GLIS3: variants seen among roughly 807,000 people sequenced by gnomAD.
GLIS3 encodes the protein GLIS family zinc finger 3, also known as zinc finger protein GLIS3.
In GLIS3, 53 loss-of-function variants were observed where a neutral mutation model predicts 78.6. The observed-to-expected ratio is 0.67, with a 90% confidence interval of 0.54 to 0.85. The LOEUF is 0.85. Among genes scored for constraint, GLIS3 ranks in the 40% least tolerant of loss-of-function variants. The pLI is 0.00. For synonymous variants in GLIS3, 684 were observed against 509.9 expected (o/e 1.34, Z -4.60); for missense variants, 1,703 against 1,231.1 (o/e 1.38, Z -5.74).
chr9:4,344,183 A>C (rs1164150487), intron 2 of GLIS3, among the ~76,000 whole-genome samples: 1 of 152,028 alleles, frequency 6.6e-6, no homozygotes, highest in Non-Finnish European at 1.5e-5. Flanking sequence ...CCTTTACAGC[A>C]AGTCTCCCGA....
chr9:4,288,644 C>T lies in GLIS3; in HGVS notation c.-98-2121G>A, dbSNP rs140149859. ...GAGCACTGACAACTTAATTAAGTAT[C>T]AGGCATTCACATCTGCCTGTCTTGG... is the stretch of plus-strand genomic sequence containing the variant. On this transcript the variant is annotated intron_variant, in intron 1 of 10. Transcript: ENST00000381971. Among the ~76,000 whole-genome samples, 673 of 152,258 alleles carry T rather than the reference C, an allele frequency of 4.4e-3. 5 individuals carry two copies. The highest frequency in any genetic ancestry group is 0.016 in the African/African-American group (646 of 41,542).
chr9:4,311,872 T>A lies in GLIS3; in HGVS notation n.265-1344A>T, dbSNP rs560398904. Among the ~76,000 whole-genome samples, 9 of 152,262 alleles carry A rather than the reference T, an allele frequency of 5.9e-5. 1 individual carries two copies. The highest frequency in any genetic ancestry group is 5.8e-4 in the East Asian group (3 of 5,174). On this transcript the variant is annotated intron_variant and non_coding_transcript_variant, in intron 2 of 4. Transcript: ENST00000471664. ...GAGTAAGCCCATTTTACTTAAATGA[T>A]CAAGAAAACAGAAAAGATCCTTTAA...
At chr9:4,024,207 G>A (rs554263320) in intron 4 of GLIS3, among the ~76,000 whole-genome samples, 1 of 152,122 alleles carries the variant, frequency 6.6e-6, no homozygotes, top group Non-Finnish European at 1.5e-5. Context: ...CTGTCTGCAG[G>A]TGTTCAGACC....
intron 2 of GLIS3, among the ~76,000 whole-genome samples, chr9:4,216,527 G>C (rs1452032930): frequency 1.4e-5 from 2 of 147,038 alleles, no homozygotes; most frequent in Non-Finnish European, 3.0e-5. Flanking sequence ...AAAAAAAAAA[G>C]AAAATGTGGG....
chr9:3,984,014 C>T (rs1437804935), intron 4 of GLIS3, among the ~76,000 whole-genome samples: 1 of 152,220 alleles, frequency 6.6e-6, no homozygotes. Flanking sequence ...GCAGCTTCTC[C>T]TATCACAGGC....
intron 4 of GLIS3, among the ~76,000 whole-genome samples, chr9:3,951,942 A>G (rs1302193084): frequency 1.3e-5 from 2 of 151,614 alleles, no homozygotes; most frequent in African/African-American, 2.4e-5. Context: ...AAGACACAGT[A>G]AAGACAGATC....
At chr9:4,393,209 C>G in the GLIS3 span, among the ~76,000 whole-genome samples, 1 of 152,132 alleles carries the variant, frequency 6.6e-6, no homozygotes, top group African/African-American at 2.4e-5. Context: ...GCTGTACATA[C>G]CTGTATGTCT....
At chr9:4,087,857 T>C (rs1358554484) in intron 4 of GLIS3, among the ~76,000 whole-genome samples, 3 of 152,190 alleles carry the variant, frequency 2.0e-5, no homozygotes, top group Non-Finnish European at 4.4e-5. Context: ...CAAGGAATTA[T>C]TCTCTTTGGC....
chr9:3,971,926 T>C (rs2130924879), intron 4 of GLIS3, among the ~76,000 whole-genome samples: 1 of 152,232 alleles, frequency 6.6e-6, no homozygotes, highest in East Asian at 1.9e-4. Context: ...ATATTGCTGT[T>C]TTGAGTGGCA....
chr9:4,186,634 A>G (rs868504931), intron 2 of GLIS3, among the ~76,000 whole-genome samples: 15 of 150,930 alleles, frequency 9.9e-5, no homozygotes, highest in Admixed American at 3.9e-4. Flanking sequence ...AAGTGTTCCT[A>G]TTTCTCCACA....
the GLIS3 span, among the ~76,000 whole-genome samples, chr9:4,410,797 C>T: frequency 3.9e-5 from 6 of 152,190 alleles, no homozygotes; most frequent in East Asian, 1.2e-3. Context: ...AGTTGTCCTT[C>T]TGAACAAATG....
chr9:4,172,466 A>T (rs1025203994), intron 2 of GLIS3, among the ~76,000 whole-genome samples: 4 of 152,220 alleles, frequency 2.6e-5, no homozygotes, highest in African/African-American at 9.6e-5. Context: ...ATCTGAGATT[A>T]TTCCAAATCC....
chr9:4,422,308 T>C, the GLIS3 span, among the ~76,000 whole-genome samples: 5 of 152,358 alleles, frequency 3.3e-5, no homozygotes, highest in South Asian at 1.0e-3. Context: ...AAGCAAACCT[T>C]GGCACAAAAT....
intron 2 of GLIS3, among the ~76,000 whole-genome samples, chr9:4,138,260 G>T (rs1833554000): frequency 6.6e-6 from 1 of 152,202 alleles, no homozygotes; most frequent in Admixed American, 6.5e-5. Flanking sequence ...ATATTGTCAT[G>T]GGAGAAAACT....
At chr9:4,348,274 T>A (rs766230999) in exon 1 of GLIS3, 2 of 152,214 alleles carry the variant, frequency 1.3e-5, no homozygotes, top group Admixed American at 6.5e-5. Context: ...TAATATGGTG[T>A]CTTCACAATA....
chr9:3,999,592 T>C (rs934814565), intron 4 of GLIS3, among the ~76,000 whole-genome samples: 30 of 151,942 alleles, frequency 2.0e-4, no homozygotes, highest in African/African-American at 7.0e-4. Context: ...TAAATGTTCA[T>C]TGAAAGACAT....
chr9:4,067,076 T>C (rs1041045312), intron 4 of GLIS3, among the ~76,000 whole-genome samples: 1 of 152,178 alleles, frequency 6.6e-6, no homozygotes, highest in Non-Finnish European at 1.5e-5. Context: ...AAATTCCTAG[T>C]TCCTTCCTTC....
intron 4 of GLIS3, among the ~76,000 whole-genome samples, chr9:4,015,502 T>C (rs1822358924): frequency 6.6e-6 from 1 of 152,176 alleles, no homozygotes; most frequent in Admixed American, 6.5e-5. Context: ...AACTTTCACC[T>C]TTCATGAAGC....
intron 3 of GLIS3, among the ~76,000 whole-genome samples, chr9:4,119,208 G>A (rs911483522): frequency 6.6e-6 from 1 of 152,146 alleles, no homozygotes; most frequent in Non-Finnish European, 1.5e-5. Flanking sequence ...GGGGGAAAAA[G>A]GATAGAGACC....
Sources: gnomAD v4.1 joint callset for allele counts (sites outside exome capture counted in the v4.1 genomes callset) on GRCh38, gnomAD v4.1.1 for gene constraint, MANE v1.5 for transcripts, NCBI Gene and HGNC (gene_info 2026-07-23, HGNC 2026-07-21) for gene names.